Variants in GMPR observed in about 807,000 individuals in gnomAD.
The protein encoded by GMPR is GMP reductase 1.
A neutral mutation model predicts 38.4 loss-of-function variants in GMPR; 31 were observed. The observed-to-expected ratio is 0.81, with a 90% CI of 0.61 to 1.09. The LOEUF (loss-of-function observed/expected upper bound fraction) is 1.09. Among genes scored for constraint, GMPR ranks in the 50% least tolerant of loss-of-function variants. The pLI, the probability that GMPR is intolerant of heterozygous loss-of-function variation, is 0.00. For synonymous variants in GMPR, 162 were observed against 173.3 expected, an observed-to-expected ratio of 0.93 and a Z score of 0.51; for missense variants, 468 against 453.7, an observed-to-expected ratio of 1.03 and a Z score of -0.29.
chr6:16,295,176 T>A lies in GMPR; in HGVS notation c.1028T>A (p.Val343Glu). The change falls in exon 9 of 9, where the codon GTG (valine) becomes GAG (glutamate). Residue 343 changes from valine (V) to glutamate (E), a missense_variant. By Grantham distance (121) the Val-to-Glu change is moderately radical. Coordinates refer to ENST00000259727, the MANE Select transcript of GMPR (RefSeq NM_006877.4). ...CGGGTGACCCAGCAGCACAACACCG[T>A]GTTCAGCTAACCCTGGGGACAAAGC... ...FIRVTQQHNT[V>E]FS 6.6e-7 allele frequency: 1 copy of A among 1,520,892 alleles called. No individual in the cohort carries two copies. Among genetic ancestry groups the A allele is most frequent in the South Asian group, 1.3e-5 (1 of 76,776 alleles). 94.2% of individuals were successfully genotyped at this position (1,520,892 alleles called of 1,614,324 possible).
intron 6 of GMPR, among the ~76,000 whole-genome samples, chr6:16,283,240 A>C (rs766138747): frequency 3.3e-5 from 5 of 152,252 alleles, no homozygotes; most frequent in Non-Finnish European, 7.3e-5. Flanking sequence ...CTCCTTGTAC[A>C]TTACTGCTTT....
intron 2 of GMPR, among the ~76,000 whole-genome samples, chr6:16,248,232 C>CAAAAAAAA (rs774386979): frequency 4.4e-5 from 2 of 45,138 alleles, no homozygotes; most frequent in African/African-American, 9.1e-5. Context: ...GACCCTGTCT[C>CAAAAAAAA]AAAAAAAAAA....
rs540986157 is a variant in GMPR at position 16,295,254 on chromosome 6, A to G, written c.*68A>G. The G allele has an allele frequency of 8.1e-5, 97 of 1,196,364 alleles. 1 individual carries two copies. In the African/African-American group the frequency reaches 8.5e-4, roughly 10 times the overall value. The allele number at this position is 1,196,364 out of a possible 1,614,324, so 74.1% of individuals were successfully genotyped here. On this transcript the variant is annotated 3_prime_UTR_variant, in exon 9 of 9. Coordinates refer to ENST00000259727, the MANE Select transcript of GMPR (RefSeq NM_006877.4). ...AACCTGCTTTTCCCATCTCCCCCCAAGTCTGTTCCGTCAGAGCTTCTGGCT... is the reference window on the plus strand; with the variant it reads ...AACCTGCTTTTCCCATCTCCCCCCAGGTCTGTTCCGTCAGAGCTTCTGGCT...
At chr6:16,282,919 C>T (rs955321073) in intron 6 of GMPR, among the ~76,000 whole-genome samples, 7 of 152,044 alleles carry the variant, frequency 4.6e-5, no homozygotes, top group African/African-American at 1.7e-4. Flanking sequence ...AGTGATAGTC[C>T]TGCCTCAGCC....
chr6:16,246,671 G>A (rs1032001970), intron 1 of GMPR, among the ~76,000 whole-genome samples, 171 bp from the exon 2 acceptor site: 2 of 152,184 alleles, frequency 1.3e-5, no homozygotes, highest in African/African-American at 4.8e-5. Flanking sequence ...TTGTCTTGAC[G>A]GCGGAATTTC....
At chr6:16,294,958 AG>A in intron 8 of GMPR, 47 bp from the exon 9 acceptor site, 1 of 1,473,732 alleles carries the variant, frequency 6.8e-7, no homozygotes, top group Non-Finnish European at 9.4e-7. Context: ...TGGGCTCTTA[AG>A]GTGGGGCGGG....
At chr6:16,259,707 T>TA (rs1361804299) in intron 4 of GMPR, among the ~76,000 whole-genome samples, 2 of 151,874 alleles carry the variant, frequency 1.3e-5, no homozygotes, top group Non-Finnish European at 2.9e-5. Flanking sequence ...ATTGAAAAAC[T>TA]AAACGGAATA....
intron 3 of GMPR, among the ~76,000 whole-genome samples, chr6:16,253,674 A>G (rs1170534743): frequency 3.3e-5 from 5 of 152,184 alleles, no homozygotes; most frequent in Non-Finnish European, 7.3e-5. Flanking sequence ...AAACTATGTC[A>G]CATGCTGCAC....
intron 4 of GMPR, among the ~76,000 whole-genome samples, chr6:16,268,646 C>T (rs1256782738): frequency 2.0e-5 from 3 of 152,172 alleles, no homozygotes; most frequent in Non-Finnish European, 4.4e-5. Flanking sequence ...CCGCCTGCTG[C>T]CTGTTTGCCA....
At chr6:16,268,951 A>G (rs1759326689) in intron 4 of GMPR, among the ~76,000 whole-genome samples, 1 of 151,108 alleles carries the variant, frequency 6.6e-6, no homozygotes, top group African/African-American at 2.4e-5. Flanking sequence ...ATTTATTTTT[A>G]GGTGTACAGT....
chr6:16,285,157 A>G (rs973849834), intron 6 of GMPR, among the ~76,000 whole-genome samples: 2 of 152,094 alleles, frequency 1.3e-5, no homozygotes, highest in Admixed American at 1.3e-4. Context: ...AGCCCAAGAT[A>G]ACAGACTGGC....
chr6:16,251,516 G>A (rs1008184359), intron 3 of GMPR, among the ~76,000 whole-genome samples: 8 of 152,226 alleles, frequency 5.3e-5, no homozygotes, highest in African/African-American at 1.9e-4. Context: ...GTTGCAGTTA[G>A]CCACGATTGT....
chr6:16,287,704 G>A lies in GMPR; in HGVS notation c.697+1869G>A, dbSNP rs376518001. Reference sequence around the variant, plus strand: ...CCTGGCTGGACACCAGTTATCCTCTGCCTCCTTAAAATCATGGCAGGAGGA... The same window carrying A: ...CCTGGCTGGACACCAGTTATCCTCTACCTCCTTAAAATCATGGCAGGAGGA... On this transcript the variant is annotated intron_variant, in intron 7 of 8. Transcript: ENST00000259727. Among the ~76,000 whole-genome samples, 12 of 152,286 alleles carry A rather than the reference G, an allele frequency of 7.9e-5. No individual in the cohort carries two copies. In the East Asian group the frequency reaches 1.5e-3, roughly 20 times the overall value.
At chr6:16,291,038 A>G (rs775300876) in intron 8 of GMPR, among the ~76,000 whole-genome samples, 3 of 152,104 alleles carry the variant, frequency 2.0e-5, no homozygotes, top group Non-Finnish European at 4.4e-5. Flanking sequence ...ACAGAAAGCC[A>G]TAGGTGTGGT....
At position 16,264,334 on chromosome 6, in the gene GMPR, C is replaced by T. The variant is rs561216311; in HGVS notation, c.465+9599C>T. 563 of 238,526 alleles carry T rather than the reference C, an allele frequency of 2.4e-3. 8 individuals carry two copies. Among genetic ancestry groups the T allele is most frequent in the Admixed American group, 7.6e-3 (141 of 18,638 alleles). 14.8% of individuals were successfully genotyped at this position (238,526 alleles called of 1,614,324 possible). A position where few individuals can be genotyped will look rare whatever the true frequency, so the allele number is the denominator to read the frequency against. Reference sequence around the variant, plus strand: ...GTTGGAGAAGAGAGTAAAAAGAGGCCGCTTACCGGATTTGAAATTGGTGAG... The same window carrying T: ...GTTGGAGAAGAGAGTAAAAAGAGGCTGCTTACCGGATTTGAAATTGGTGAG... On this transcript the variant is annotated intron_variant, in intron 4 of 8. Coordinates refer to ENST00000259727, the MANE Select transcript of GMPR (RefSeq NM_006877.4).
chr6:16,258,745 G>C (rs914036894), intron 4 of GMPR, among the ~76,000 whole-genome samples: 6 of 152,144 alleles, frequency 3.9e-5, no homozygotes, highest in Admixed American at 6.5e-5. Flanking sequence ...CTTGGTTTTT[G>C]GTGTTTTTGA....
intron 1 of GMPR, among the ~76,000 whole-genome samples, chr6:16,240,977 C>T (rs548154861): frequency 2.0e-5 from 3 of 152,166 alleles, no homozygotes; most frequent in South Asian, 2.1e-4. Context: ...CTTTACTTGC[C>T]TCGGTGGCGT....
At chr6:16,270,845 G>A (rs1360728922) in intron 4 of GMPR, among the ~76,000 whole-genome samples, 1 of 152,130 alleles carries the variant, frequency 6.6e-6, no homozygotes, top group Non-Finnish European at 1.5e-5. Flanking sequence ...AGAGACATTT[G>A]CACAAGCTTC....
intron 6 of GMPR, among the ~76,000 whole-genome samples, chr6:16,280,546 C>CT (rs1170491336): frequency 6.6e-6 from 1 of 152,216 alleles, no homozygotes; most frequent in Non-Finnish European, 1.5e-5. Flanking sequence ...GTGTAAAAGG[C>CT]TGACATAGAA....
Sources: gnomAD v4.1 joint callset for allele counts (sites outside exome capture counted in the v4.1 genomes callset) on GRCh38, gnomAD v4.1.1 for gene constraint, MANE v1.5 for transcripts, NCBI Gene and HGNC (gene_info 2026-07-23, HGNC 2026-07-21) for gene names.